The following PRKN variants were observed in gnomAD, a reference collection of about 807,000 sequenced individuals.
The protein encoded by PRKN is E3 ubiquitin-protein ligase parkin.
A neutral mutation model predicts 59.5 loss-of-function variants in PRKN; 56 were observed. That is an observed-to-expected ratio of 0.94 (90% CI 0.76 to 1.18). PRKN has a LOEUF of 1.18. Among genes scored for constraint, PRKN ranks in the 50% most tolerant of loss-of-function variants. The pLI is 0.00. For synonymous variants in PRKN, 250 were observed against 222.1 expected (o/e 1.13, Z -1.12); for missense variants, 657 against 596.4 (o/e 1.10, Z -1.06).
chr6:161,678,424 G>A (rs934635741), intron 7 of PRKN, among the ~76,000 whole-genome samples: 4 of 151,758 alleles, frequency 2.6e-5, no homozygotes, highest in African/African-American at 7.3e-5. Flanking sequence ...AAGATAATAA[G>A]TGTAAAGCTC....
chr6:161,872,727 G>C (rs1054645112), intron 6 of PRKN, among the ~76,000 whole-genome samples: 8 of 152,058 alleles, frequency 5.3e-5, no homozygotes, highest in Non-Finnish European at 1.2e-4. Context: ...CCTCTGTCCT[G>C]GGACTAGGAC....
chr6:162,696,188 T>C (rs1033541794), intron 1 of PRKN, among the ~76,000 whole-genome samples: 2 of 152,172 alleles, frequency 1.3e-5, no homozygotes, highest in African/African-American at 4.8e-5. Flanking sequence ...CCGGTAGCAA[T>C]GATTTCTAAG....
intron 2 of PRKN, among the ~76,000 whole-genome samples, chr6:162,398,379 A>G (rs1329789415): frequency 7.5e-6 from 1 of 133,702 alleles, no homozygotes; most frequent in Non-Finnish European, 1.5e-5. Context: ...AACTTCAGCC[A>G]GATCTTTCTC....
intron 9 of PRKN, among the ~76,000 whole-genome samples, chr6:161,406,998 G>T (rs896180103): frequency 1.3e-5 from 2 of 152,050 alleles, no homozygotes; most frequent in African/African-American, 4.8e-5. Context: ...CAAGGTTTAG[G>T]CTCGTTGGAT....
At chr6:162,207,013 G>A (rs1431390989) in intron 3 of PRKN, among the ~76,000 whole-genome samples, 1 of 152,164 alleles carries the variant, frequency 6.6e-6, no homozygotes, top group Non-Finnish European at 1.5e-5. Context: ...GGTTCCACAT[G>A]AAATTCATTT....
chr6:162,565,705 C>G (rs1009869327), intron 1 of PRKN, among the ~76,000 whole-genome samples: 1 of 71,768 alleles, frequency 1.4e-5, no homozygotes, highest in East Asian at 3.4e-4. Flanking sequence ...TAAATACATA[C>G]ATACATACAT....
In PRKN at chr6:161,349,995, C is replaced by CA. The variant is rs1784454474; in HGVS notation, c.*103_*104insT. The stretch of plus-strand genomic sequence containing the variant: ...AAAAAACTTGAAGAGTGTGTGTGCG[C>CA]GCGCGCGCGTGTGTGTGTGTGTTTG... On this transcript the variant is annotated 3_prime_UTR_variant, in exon 12 of 12. Coordinates refer to ENST00000366898, the MANE Select transcript of PRKN (RefSeq NM_004562.3). This position sits in a 1 kb window ranked among gnomAD's most constrained non-coding sequence, Gnocchi z 5.5. 1 of 794,646 alleles carries CA rather than the reference C, an allele frequency of 1.3e-6. No individual in the cohort carries two copies. The highest frequency in any genetic ancestry group is 1.7e-5 in the African/African-American group (1 of 59,088). 49.2% of individuals were successfully genotyped at this position (794,646 alleles called of 1,614,324 possible). A position where few individuals can be genotyped will look rare whatever the true frequency, so the allele number is the denominator to read the frequency against.
intron 5 of PRKN, among the ~76,000 whole-genome samples, chr6:162,028,224 T>C (rs1359357391): frequency 6.6e-6 from 1 of 152,182 alleles, no homozygotes; most frequent in East Asian, 1.9e-4. Context: ...TTTAACCTGA[T>C]AGGTAGAAGC....
intron 4 of PRKN, among the ~76,000 whole-genome samples, chr6:162,055,340 T>C (rs762851402): frequency 2.0e-5 from 3 of 152,180 alleles, no homozygotes; most frequent in African/African-American, 4.8e-5. Context: ...ATACCTTCAA[T>C]TTCAACCTAA....
At chr6:162,496,317 T>C (rs1793063132) in intron 1 of PRKN, among the ~76,000 whole-genome samples, 1 of 152,156 alleles carries the variant, frequency 6.6e-6, no homozygotes, top group Non-Finnish European at 1.5e-5. Context: ...AAAGTAAATT[T>C]ATACTTGCAT....
intron 1 of PRKN, among the ~76,000 whole-genome samples, chr6:162,537,415 T>C (rs916262465): frequency 6.6e-6 from 1 of 152,152 alleles, no homozygotes; most frequent in Non-Finnish European, 1.5e-5. Context: ...GCATCACCTA[T>C]ATTTTATGCC....
intron 7 of PRKN, among the ~76,000 whole-genome samples, chr6:161,626,043 C>G (rs1478423065): frequency 2.0e-5 from 3 of 152,154 alleles, no homozygotes; most frequent in African/African-American, 7.2e-5. Flanking sequence ...TTTCCTCATT[C>G]CTGATGAGGA....
chr6:161,835,599 C>T (rs1294947253), intron 6 of PRKN, among the ~76,000 whole-genome samples: 2 of 152,146 alleles, frequency 1.3e-5, no homozygotes, highest in African/African-American at 2.4e-5. Context: ...TGCAGCTGGG[C>T]CCCATGCGTT....
chr6:161,883,706 G>A (rs910525956), intron 6 of PRKN, among the ~76,000 whole-genome samples: 6 of 152,062 alleles, frequency 3.9e-5, no homozygotes, highest in African/African-American at 1.2e-4. Context: ...CCAGAGCGCA[G>A]TGGTGAGAAC....
chr6:162,714,135 C>T (rs538035507), intron 1 of PRKN, among the ~76,000 whole-genome samples: 41 of 152,274 alleles, frequency 2.7e-4, no homozygotes, highest in African/African-American at 9.6e-4. Flanking sequence ...GTGAGGCTGT[C>T]GGCATGTCCC....
intron 7 of PRKN, among the ~76,000 whole-genome samples, chr6:161,577,065 T>C (rs547089545): frequency 3.3e-4 from 51 of 152,318 alleles, no homozygotes; most frequent in African/African-American, 1.1e-3. Context: ...AACAGGACCA[T>C]AGAAGGGCAC....
intron 3 of PRKN, among the ~76,000 whole-genome samples, chr6:162,235,965 GAAAGAAAGA>G (rs1778664622): frequency 1.1e-5 from 1 of 93,608 alleles, no homozygotes; most frequent in Non-Finnish European, 2.0e-5. Context: ...AAGGAAGAAA[GAAAGAAAGA>G]AAGAAAGAAA....
chr6:162,231,916 C>A (rs1442409993), intron 3 of PRKN, among the ~76,000 whole-genome samples: 4 of 152,160 alleles, frequency 2.6e-5, no homozygotes, highest in Non-Finnish European at 5.9e-5. Context: ...GGCCCCACCT[C>A]ACTAATAAGG....
At chr6:162,643,894 C>G (rs929506936) in intron 1 of PRKN, 1 of 152,070 alleles carries the variant, frequency 6.6e-6, no homozygotes, top group Non-Finnish European at 1.5e-5. Context: ...TTGTGGACTT[C>G]CATAATTTTT....
Sources: allele counts gnomAD v4.1 joint callset (sites outside exome capture counted in the v4.1 genomes callset), GRCh38; gene constraint gnomAD v4.1.1; non-coding constraint Gnocchi (gnomAD v3.1); transcripts MANE v1.5; gene names NCBI Gene and HGNC (gene_info 2026-07-23, HGNC 2026-07-21).